The following ZC3H12B variants were observed in gnomAD, a reference collection of about 807,000 sequenced individuals.
The protein encoded by ZC3H12B is probable ribonuclease ZC3H12B.
Under a neutral mutation model 43.9 loss-of-function variants are expected in ZC3H12B, and 7 were observed. The ratio of observed to expected loss-of-function variants is 0.16; its 90% CI spans 0.09 to 0.30. The LOEUF is 0.30. Ranked by LOEUF, ZC3H12B falls within the 10% of genes least tolerant of loss-of-function variation. The probability of loss-of-function intolerance (pLI) is 1.00; values close to 1 mark genes in which losing one functional copy is unlikely to be tolerated. For missense variants in ZC3H12B, 475 were observed against 670.2 expected (o/e 0.71, Z 3.22); for synonymous variants, 222 against 241.7 (o/e 0.92, Z 0.76).
At chrX:65,142,324 T>G in the ZC3H12B span, among the ~76,000 whole-genome samples, 2 of 112,125 alleles carry the variant, frequency 1.8e-5, no homozygotes, top group Non-Finnish European at 3.8e-5. Context: ...TGTCTAGACA[T>G]GTCCTTAGCC....
intron 3 of ZC3H12B, among the ~76,000 whole-genome samples, chrX:65,399,233 CACAG>C (rs1224597915): frequency 6.2e-5 from 7 of 112,275 alleles, no homozygotes; most frequent in Non-Finnish European, 9.4e-5. Context: ...CAACAAAATG[CACAG>C]ACAACCTACA....
chrX:65,385,542 A>G, intron 2 of ZC3H12B, among the ~76,000 whole-genome samples: 1 of 111,913 alleles, frequency 8.9e-6, no homozygotes, highest in East Asian at 2.8e-4. Flanking sequence ...GCTTAAGGAG[A>G]TTTTGGGCTG....
the ZC3H12B span, among the ~76,000 whole-genome samples, chrX:65,096,998 T>C: frequency 9.0e-6 from 1 of 111,553 alleles, no homozygotes; most frequent in Non-Finnish European, 1.9e-5. Context: ...CCATGTTGCC[T>C]TATGCATCCT....
At chrX:65,486,431 T>C (rs2068125151), upstream of ZC3H12B, among the ~76,000 whole-genome samples, 1 of 112,177 alleles carries the variant, frequency 8.9e-6, no homozygotes, top group Admixed American at 9.5e-5. Flanking sequence ...GACTGTTCTT[T>C]AGAATAAAAA....
At chrX:65,429,578 C>T (rs1004896206) in intron 3 of ZC3H12B, among the ~76,000 whole-genome samples, 2 of 112,540 alleles carry the variant, frequency 1.8e-5, no homozygotes, top group African/African-American at 6.4e-5. Flanking sequence ...GGGGGGCTTT[C>T]TCACCTGGAC....
chrX:65,464,599 T>C (rs1447582745), intron 3 of ZC3H12B, among the ~76,000 whole-genome samples: 2 of 111,163 alleles, frequency 1.8e-5, no homozygotes, highest in African/African-American at 3.3e-5. Context: ...TCTGTTTTAT[T>C]ATATGTATTT....
At chrX:65,318,921 A>T in the ZC3H12B span, among the ~76,000 whole-genome samples, 1 of 111,616 alleles carries the variant, frequency 9.0e-6, no homozygotes, top group South Asian at 3.8e-4. Flanking sequence ...GACACAGCTA[A>T]AGTATGGTTA....
chrX:65,216,469 A>G, the ZC3H12B span, among the ~76,000 whole-genome samples: 1 of 111,405 alleles, frequency 9.0e-6, no homozygotes, highest in Non-Finnish European at 1.9e-5. Context: ...AGAGGAAGGA[A>G]TTTGAGTCCT....
the ZC3H12B span, among the ~76,000 whole-genome samples, chrX:65,241,911 ACTC>A: frequency 9.2e-6 from 1 of 108,464 alleles, no homozygotes; most frequent in Non-Finnish European, 1.9e-5. Flanking sequence ...AGTCAGAAAA[ACTC>A]CTGGGTTTCT....
the ZC3H12B span, among the ~76,000 whole-genome samples, chrX:65,318,353 T>G: frequency 9.1e-5 from 10 of 109,573 alleles, no homozygotes; most frequent in Non-Finnish European, 1.7e-4. Context: ...TTCTTCCTTC[T>G]TCCTTCTTTC....
the ZC3H12B span, among the ~76,000 whole-genome samples, chrX:65,241,069 T>G: frequency 8.9e-6 from 1 of 111,821 alleles, no homozygotes; most frequent in South Asian, 3.7e-4. Context: ...CTGGCTGGTT[T>G]TGGGTAGAGC....
At chrX:65,474,822 G>A (rs1041365812) in intron 3 of ZC3H12B, among the ~76,000 whole-genome samples, 2 of 111,914 alleles carry the variant, frequency 1.8e-5, no homozygotes, top group Admixed American at 1.9e-4. Context: ...GACCAGTCTG[G>A]TCTCGAACTT....
the ZC3H12B span, among the ~76,000 whole-genome samples, chrX:65,274,930 A>T: frequency 8.9e-6 from 1 of 111,925 alleles, no homozygotes; most frequent in Admixed American, 9.4e-5. Flanking sequence ...TACCACCTAC[A>T]TCCAAGACCT....
chrX:65,353,722 T>A, the ZC3H12B span, among the ~76,000 whole-genome samples: 4 of 111,684 alleles, frequency 3.6e-5, no homozygotes, highest in Non-Finnish European at 7.5e-5. Flanking sequence ...GGCTTGAAAT[T>A]CTCACTGCCA....
At chrX:65,387,600 G>C (rs1183840106) in intron 2 of ZC3H12B, among the ~76,000 whole-genome samples, 13 of 111,692 alleles carry the variant, frequency 1.2e-4, no homozygotes, top group African/African-American at 3.3e-4. Flanking sequence ...ATCCAATTTG[G>C]CAGTCTGTGT....
chrX:65,101,257 G>A, the ZC3H12B span, among the ~76,000 whole-genome samples: 2 of 111,932 alleles, frequency 1.8e-5, no homozygotes, highest in Non-Finnish European at 3.8e-5. Flanking sequence ...TGTTTAGAGG[G>A]AAATTTATAG....
At chrX:65,205,367 A>T in the ZC3H12B span, among the ~76,000 whole-genome samples, 3 of 111,683 alleles carry the variant, frequency 2.7e-5, no homozygotes, top group African/African-American at 3.3e-5. Context: ...AAGTGAATAG[A>T]CTTGAATGAC....
the ZC3H12B span, among the ~76,000 whole-genome samples, chrX:65,288,221 C>T: frequency 9.1e-6 from 1 of 110,419 alleles, no homozygotes; most frequent in Non-Finnish European, 1.9e-5. Flanking sequence ...TTAATTCTAC[C>T]AAAATGTACA....
chrX:65,472,962 A>T (rs868732147), intron 3 of ZC3H12B, among the ~76,000 whole-genome samples: 13 of 73,838 alleles, frequency 1.8e-4, no homozygotes, highest in African/African-American at 9.8e-4. Context: ...ATGTTTGTGT[A>T]TGTGTATGTG....
Sources: gnomAD v4.1 joint callset for allele counts (sites outside exome capture counted in the v4.1 genomes callset) on GRCh38, gnomAD v4.1.1 for gene constraint, MANE v1.5 for transcripts, NCBI Gene and HGNC (gene_info 2026-07-23, HGNC 2026-07-21) for gene names.